SPTLC3: variants seen among roughly 807,000 people sequenced by gnomAD.
SPTLC3 encodes serine palmitoyltransferase 3.
A neutral mutation model predicts 59.3 loss-of-function variants in SPTLC3; 36 were observed. That is an observed-to-expected ratio of 0.61 (90% CI 0.47 to 0.80). The LOEUF (loss-of-function observed/expected upper bound fraction) is 0.80, where lower values mean the gene tolerates loss of function less well. Among genes scored for constraint, SPTLC3 ranks in the 30% least tolerant of loss-of-function variants. The pLI is 0.00. For missense variants in SPTLC3, 625 were observed against 685.1 expected, an observed-to-expected ratio of 0.91 and a Z score of 0.98; for synonymous variants, 257 against 240.8, an observed-to-expected ratio of 1.07 and a Z score of -0.62.
chr20:13,033,331 G>A (rs536166910), intron 1 of SPTLC3, among the ~76,000 whole-genome samples: 1 of 152,170 alleles, frequency 6.6e-6, no homozygotes, highest in Non-Finnish European at 1.5e-5. Context: ...CTAATTGGTA[G>A]TGATAAGAAG....
intron 10 of SPTLC3, among the ~76,000 whole-genome samples, chr20:13,157,287 A>AT (rs796109131): frequency 1.3e-5 from 2 of 150,968 alleles, no homozygotes. Flanking sequence ...AAAAAAAAAA[A>AT]TTAGCTGGGC....
chr20:13,062,387 G>C (rs1988009727), intron 2 of SPTLC3, among the ~76,000 whole-genome samples: 1 of 152,244 alleles, frequency 6.6e-6, no homozygotes, highest in South Asian at 2.1e-4. Context: ...TCAGATCATA[G>C]TCTCCCACAG....
chr20:13,083,113 C>T (rs1010161068), intron 4 of SPTLC3, among the ~76,000 whole-genome samples: 7 of 152,222 alleles, frequency 4.6e-5, no homozygotes, highest in South Asian at 2.1e-4. Flanking sequence ...TTCTCATAGA[C>T]AGGACATAAC....
chr20:13,019,047 G>A (rs1328443032), intron 1 of SPTLC3, among the ~76,000 whole-genome samples: 2 of 152,152 alleles, frequency 1.3e-5, no homozygotes, highest in Non-Finnish European at 2.9e-5. Flanking sequence ...CTGCTCTCCT[G>A]AAGAGTTTTG....
At chr20:13,101,409 A>T (rs993057803) in intron 6 of SPTLC3, among the ~76,000 whole-genome samples, 3 of 152,204 alleles carry the variant, frequency 2.0e-5, no homozygotes, top group Non-Finnish European at 2.9e-5. Context: ...GTCCAGTGTG[A>T]TGGCTAATGG....
At chr20:13,041,920 T>C (rs184788406) in intron 1 of SPTLC3, among the ~76,000 whole-genome samples, 1 of 152,314 alleles carries the variant, frequency 6.6e-6, no homozygotes, top group East Asian at 1.9e-4. Context: ...TGACTGTGCC[T>C]TCCCAAATCA....
At chr20:13,086,111 G>T (rs1163300628) in intron 4 of SPTLC3, among the ~76,000 whole-genome samples, 1 of 152,032 alleles carries the variant, frequency 6.6e-6, no homozygotes, top group Non-Finnish European at 1.5e-5. Context: ...CGCTTTCTTA[G>T]GAGTTAAAAA....
intron 6 of SPTLC3, among the ~76,000 whole-genome samples, chr20:13,099,274 G>C (rs1407590833): frequency 6.6e-6 from 1 of 152,166 alleles, no homozygotes; most frequent in Non-Finnish European, 1.5e-5. Flanking sequence ...GCTAAGGAAT[G>C]CAGGAAGCAT....
intron 1 of SPTLC3, among the ~76,000 whole-genome samples, chr20:13,015,348 G>A (rs6033573): frequency 0.061 from 9,348 of 152,130 alleles, 346 homozygotes; most frequent in Middle Eastern, 0.099. Flanking sequence ...ATCATAAAGG[G>A]TAATGCATAA....
intron 8 of SPTLC3, among the ~76,000 whole-genome samples, chr20:13,124,602 A>G (rs981115543): frequency 2.6e-5 from 4 of 152,204 alleles, no homozygotes; most frequent in African/African-American, 7.2e-5. Flanking sequence ...TGAAAGACAT[A>G]TTGAAGACAG....
chr20:13,101,428 C>T (rs531287625), intron 6 of SPTLC3, among the ~76,000 whole-genome samples: 1 of 152,290 alleles, frequency 6.6e-6, no homozygotes, highest in East Asian at 1.9e-4. Flanking sequence ...GGAGCCCTAT[C>T]CTGTTAGTAG....
intron 2 of SPTLC3, among the ~76,000 whole-genome samples, chr20:13,062,684 C>G (rs1459523291): frequency 6.6e-6 from 1 of 152,160 alleles, no homozygotes; most frequent in Non-Finnish European, 1.5e-5. Flanking sequence ...CTACACTTAA[C>G]GTTCGTGTGT....
At chr20:13,050,477 A>C (rs976179743) in intron 2 of SPTLC3, 2 of 152,208 alleles carry the variant, frequency 1.3e-5, no homozygotes, top group East Asian at 1.9e-4. Flanking sequence ...GTTCCTGAGG[A>C]AGAAGAGAAT....
At chr20:13,017,290 G>C (rs1484861318) in intron 1 of SPTLC3, among the ~76,000 whole-genome samples, 1 of 152,160 alleles carries the variant, frequency 6.6e-6, no homozygotes, top group East Asian at 1.9e-4. Context: ...TACCACATTA[G>C]TGAACCTGTC....
intron 9 of SPTLC3, among the ~76,000 whole-genome samples, chr20:13,151,246 C>A (rs1368693322): frequency 6.6e-6 from 1 of 152,184 alleles, no homozygotes; most frequent in Non-Finnish European, 1.5e-5. Flanking sequence ...TACTACCATC[C>A]TCTCTAAATT....
chr20:13,096,071 A>C (rs1340510551), intron 6 of SPTLC3, among the ~76,000 whole-genome samples: 1 of 152,156 alleles, frequency 6.6e-6, no homozygotes, highest in African/African-American at 2.4e-5. Context: ...GGCTTTGGCT[A>C]CGGTGCTTTC....
chr20:13,034,412 G>T (rs889887178), intron 1 of SPTLC3, among the ~76,000 whole-genome samples: 2 of 152,128 alleles, frequency 1.3e-5, no homozygotes, highest in Admixed American at 1.3e-4. Flanking sequence ...AAAATCCCCA[G>T]CACAGGGCAA....
chr20:13,026,665 GT>G (rs1445668268), intron 1 of SPTLC3, among the ~76,000 whole-genome samples: 2 of 152,272 alleles, frequency 1.3e-5, no homozygotes, highest in East Asian at 3.9e-4. Flanking sequence ...AGAAATTAAG[GT>G]TAGGTGCGAA....
rs1371014402 is a variant in SPTLC3 at position 13,167,849 on chromosome 20, T to C, written c.*2982T>C. On this transcript the variant is annotated 3_prime_UTR_variant, in exon 12 of 12. Transcript: ENST00000399002. ...TTTTTAACCAGCCTTCCTGCGTGAT[T>C]CTAATCTATGCCAAAATTTAAGAAC... is the stretch of plus-strand genomic sequence containing the variant. The C allele has an allele frequency of 6.6e-6, 1 of 152,208 alleles. No individual in the cohort carries two copies. The highest frequency in any genetic ancestry group is 1.5e-5 in the Non-Finnish European group (1 of 68,042). The allele number at this position is 152,208 out of a possible 1,614,324, so 9.4% of individuals were successfully genotyped here.
Sources: gnomAD v4.1 joint callset for allele counts (sites outside exome capture counted in the v4.1 genomes callset) on GRCh38, gnomAD v4.1.1 for gene constraint, MANE v1.5 for transcripts, NCBI Gene and HGNC (gene_info 2026-07-23, HGNC 2026-07-21) for gene names.